The following CPNE7 variants were observed in gnomAD, a reference collection of about 807,000 sequenced individuals.
CPNE7 encodes copine 7, also known as copine-7.
Under a neutral mutation model 66.5 loss-of-function variants are expected in CPNE7, and 78 were observed. That is an observed-to-expected ratio of 1.17 (90% CI 0.98 to 1.42). The LOEUF is 1.42. Among genes scored for constraint, CPNE7 ranks in the 40% most tolerant of loss-of-function variants. CPNE7 has a pLI of 0.00. For missense variants in CPNE7, 1,012 were observed against 776.6 expected (o/e 1.30, Z -3.60); for synonymous variants, 468 against 336.7 (o/e 1.39, Z -4.27).
intron 11 of CPNE7, 30 bp from the exon 12 acceptor site, chr16:89,590,977 A>G (rs760084343): frequency 2.5e-6 from 4 of 1,612,996 alleles, no homozygotes; most frequent in Admixed American, 3.3e-5. Context: ...TGCAACGAGC[A>G]GCTGACTGAG....
rs965324106 is a variant in CPNE7 at position 89,587,713 on chromosome 16, A to G, written c.927+611A>G. 264 of 242,428 alleles carry G rather than the reference A, an allele frequency of 1.1e-3. 10 individuals are homozygous for G. The highest frequency in any genetic ancestry group is 2.1e-3 in the African/African-American group (63 of 29,328). 15.0% of individuals were successfully genotyped at this position (242,428 alleles called of 1,614,324 possible). A position where few individuals can be genotyped will look rare whatever the true frequency, so the allele number is the denominator to read the frequency against. On this transcript the variant is annotated intron_variant, in intron 9 of 14. Coordinates refer to ENST00000319518, the MANE Select transcript of CPNE7 (RefSeq NM_153636.3). ...GATACGCACACCCCGTGTCACCCCC[A>G]TAGCACCCCCGTGTCACCCACAGAT...
Position 89,575,915 on chromosome 16 carries a change from G to A in CPNE7, c.18G>A (p.Glu6=). 2.4e-6 allele frequency: 3 copies of A among 1,249,728 alleles called. No individual in the cohort carries two copies. The highest frequency in any genetic ancestry group is 1.0e-6 in the Non-Finnish European group (1 of 996,186). The allele number at this position is 1,249,728 out of a possible 1,614,324, so 77.4% of individuals were successfully genotyped here. A position where few individuals can be genotyped will look rare whatever the true frequency, so the allele number is the denominator to read the frequency against. ...CCGGGAGCATGAGCGCGGGCTCGGA[G>A]CGCGGGGCGGCGGCAACCCCCGGGG... MSAGS[E]RGAAATPGGL... Residue 6 remains glutamate (E), a synonymous_variant, in exon 1 of 15, where the codon GAG becomes GAA. Transcript: ENST00000319518.
chr16:89,586,780 C>T, intron 8 of CPNE7, 24 bp downstream of exon 8: 4 of 1,592,702 alleles, frequency 2.5e-6, no homozygotes, highest in African/African-American at 2.7e-5. Context: ...GTGCCCGAAG[C>T]CTCCCCACCC....
chr16:89,583,499 TGCAGGGGTGGCCACAC>T (rs1181246557), intron 2 of CPNE7, 182 bp from the exon 3 acceptor site: 20 of 1,557,080 alleles, frequency 1.3e-5, no homozygotes, highest in Non-Finnish European at 1.7e-5. Context: ...GTGGTGGACG[TGCAGGGGTGGCCACAC>T]GCAGGGATGG....
In CPNE7 at chr16:89,585,701, T is replaced by C. The variant is rs771446901; in HGVS notation, c.696T>C (p.Asp232=). 27 of 1,551,354 alleles carry C rather than the reference T, an allele frequency of 1.7e-5. No homozygotes were observed. Among genetic ancestry groups the C allele is most frequent in the Non-Finnish European group, 2.4e-5 (27 of 1,147,488 alleles). Residue 232 remains aspartate (D), a synonymous_variant, in exon 7 of 15, where the codon GAT becomes GAC. Coordinates refer to ENST00000319518, the MANE Select transcript of CPNE7 (RefSeq NM_153636.3). Reference sequence around the variant, plus strand: ...GGGCTCCCCAGTGCCTGGTCTGGGATTACGACTCTCGAGGAAAGCACGACT... The same window carrying C: ...GGGCTCCCCAGTGCCTGGTCTGGGACTACGACTCTCGAGGAAAGCACGACT... ...ETRPLKCLVW[D]YDSRGKHDFI... is the part of the protein sequence containing the mutation.
At chr16:89,593,472 C>T (rs2059206019) in intron 13 of CPNE7, among the ~76,000 whole-genome samples, 1 of 152,004 alleles carries the variant, frequency 6.6e-6, no homozygotes, top group African/African-American at 2.4e-5. Flanking sequence ...CCTGCCTCAG[C>T]CTCCCAAATA....
rs1257328189 is a variant in CPNE7 at position 89,588,825 on chromosome 16, C to T, written c.1061+17C>T. On this transcript the variant is annotated intron_variant, in intron 10 of 14. Transcript: ENST00000319518. ...CTATGACAGGTGCGCCCACCACCTT[C>T]CCCTCACCCCCTGGTCTCCAGGTCA... 6 of 1,612,444 alleles carry T rather than the reference C, an allele frequency of 3.7e-6. No homozygotes were observed. The highest frequency in any genetic ancestry group is 1.3e-5 in the African/African-American group (1 of 74,968).
At chr16:89,578,046 TTTTTTCTTTTTTTTC>T (rs1031369730) in intron 2 of CPNE7, among the ~76,000 whole-genome samples, 3 of 140,836 alleles carry the variant, frequency 2.1e-5, no homozygotes, top group East Asian at 2.0e-4. Flanking sequence ...ACTTTTCCTC[TTTTTTCTTTTTTTTC>T]TTTTTCTTTT....
chr16:89,577,446 C>A, intron 1 of CPNE7, 93 bp from the exon 2 acceptor site: 11 of 1,300,244 alleles, frequency 8.5e-6, no homozygotes, highest in Non-Finnish European at 1.2e-5. Flanking sequence ...TCCTGAGGTA[C>A]CTGGGCGTGG....
chr16:89,586,706 A>C lies in CPNE7; in HGVS notation c.817A>C (p.Lys273Gln), dbSNP rs1346551339. 6.2e-7 allele frequency: 1 copy of C among 1,612,464 alleles called. No individual in the cohort carries two copies. The highest frequency in any genetic ancestry group is 8.5e-7 in the Non-Finnish European group (1 of 1,179,616). ...WDCVNPKYKQ[K>Q]RRSYKNSGVV... is the part of the protein sequence containing the mutation. ...CTGTGTGAACCCCAAATACAAGCAG[A>C]AGAGACGCAGTTATAAGAACTCAGG... is the stretch of plus-strand genomic sequence containing the variant. Residue 273 changes from lysine to glutamine, a missense_variant, in exon 8 of 15, where the codon AAG becomes CAG. Lys to Gln is a moderately conservative substitution (Grantham distance 53). Transcript: ENST00000319518.
chr16:89,596,774 C>A lies in CPNE7; in HGVS notation c.*153C>A. On this transcript the variant is annotated 3_prime_UTR_variant, in exon 15 of 15. Transcript: ENST00000319518. ...CCCAGTCCTCCTGGGATCCTGCTGGCTTGGGCCCGGCTCTGGGGCCCCCAA... is the reference window on the plus strand; with the variant it reads ...CCCAGTCCTCCTGGGATCCTGCTGGATTGGGCCCGGCTCTGGGGCCCCCAA... The A allele has an allele frequency of 1.9e-6, 2 of 1,065,844 alleles. No individual in the cohort carries two copies. Among genetic ancestry groups the A allele is most frequent in the Non-Finnish European group, 1.3e-6 (1 of 798,680 alleles). The allele number at this position is 1,065,844 out of a possible 1,614,324, so 66.0% of individuals were successfully genotyped here.
At chr16:89,585,005 C>A in intron 5 of CPNE7, 148 bp downstream of exon 5, 1 of 707,252 alleles carries the variant, frequency 1.4e-6, no homozygotes, top group Non-Finnish European at 2.4e-6. Context: ...CAGAATCCAA[C>A]AGGGAGCCGC....
intron 11 of CPNE7, among the ~76,000 whole-genome samples, chr16:89,590,746 A>G (rs1229949131): frequency 9.5e-6 from 1 of 105,042 alleles, no homozygotes; most frequent in Non-Finnish European, 1.9e-5. Flanking sequence ...CATGGGGGCC[A>G]GGTCGGGGGA....
At chr16:89,586,035 AGGGGGCATTCAGGGAGGGGCAGGTGAG>A (rs1392061838) in intron 7 of CPNE7, among the ~76,000 whole-genome samples, 3 of 18,772 alleles carry the variant, frequency 1.6e-4, no homozygotes, top group Non-Finnish European at 3.0e-4. Context: ...TAGCAGGGGG[AGGGGGCATTCAGGGAGGGGCAGGTGAG>A]GGGGGCCTCT....
At chr16:89,578,228 C>G in intron 2 of CPNE7, among the ~76,000 whole-genome samples, 1 of 151,892 alleles carries the variant, frequency 6.6e-6, no homozygotes, top group Admixed American at 6.6e-5. Context: ...CCACGCCCGG[C>G]TAATTTTTGT....
chr16:89,590,546 C>CA (rs1302038617), intron 11 of CPNE7, among the ~76,000 whole-genome samples: 2 of 151,274 alleles, frequency 1.3e-5, no homozygotes, highest in Non-Finnish European at 3.0e-5. Flanking sequence ...AAGAAAACAA[C>CA]AAAAAACTTC....
Position 89,585,563 on chromosome 16 carries a change from G to T in CPNE7, c.681+10G>T, listed in dbSNP as rs759078456. 1 of 1,607,724 alleles carries T rather than the reference G, an allele frequency of 6.2e-7. No individual in the cohort carries two copies. On this transcript the variant is annotated intron_variant, in intron 6 of 14. Transcript: ENST00000319518. ...GACAAGGCCTCTAAAGGTGGGGGAC[G>T]GGATGGACCAAGGGGGCAGTGAGGG...
intron 14 of CPNE7, chr16:89,596,022 CAT>C (rs1249494753): frequency 1.2e-4 from 55 of 471,470 alleles, no homozygotes; most frequent in African/African-American, 3.7e-4. Context: ...GCAAGACACA[CAT>C]GTCACACATG....
rs922457930 is a variant in CPNE7 at position 89,596,219 on chromosome 16, G to A, written c.1540-265G>A. ...GCTCAGGCTTTGCCGGGGAAGTGTG[G>A]GTGGGGCCTGGACCATGGAGGTGGC... On this transcript the variant is annotated intron_variant, in intron 14 of 14. Coordinates refer to ENST00000319518, the MANE Select transcript of CPNE7 (RefSeq NM_153636.3). 3.3e-5 allele frequency among the ~76,000 whole-genome samples: 5 copies of A among 151,988 alleles called. No homozygotes were observed. The East Asian group carries it at 5.8e-4, about 18-fold the overall frequency.
Sources: allele counts gnomAD v4.1 joint callset (sites outside exome capture counted in the v4.1 genomes callset), GRCh38; gene constraint gnomAD v4.1.1; transcripts MANE v1.5; gene names NCBI Gene and HGNC (gene_info 2026-07-23, HGNC 2026-07-21).